Variants in PCED1A observed in about 807,000 individuals in gnomAD.
PCED1A encodes the protein PC-esterase domain-containing protein 1A.
A neutral mutation model predicts 41.9 loss-of-function variants in PCED1A; 20 were observed. The ratio of observed to expected loss-of-function variants is 0.48; its 90% confidence interval spans 0.34 to 0.69. PCED1A has a LOEUF of 0.69. Among genes scored for constraint, PCED1A ranks in the 30% least tolerant of loss-of-function variants. PCED1A has a pLI of 0.01. For missense variants in PCED1A, 498 were observed against 602.1 expected, an observed-to-expected ratio of 0.83 and a Z score of 1.81; for synonymous variants, 236 against 241.3, an observed-to-expected ratio of 0.98 and a Z score of 0.20.
chr20:2,840,038 G>A, intron 1 of PCED1A, 105 bp from the exon 2 acceptor site: 4 of 1,213,418 alleles, frequency 3.3e-6, no homozygotes, highest in South Asian at 3.2e-5. Context: ...AGGAGGTGAC[G>A]GCAGCAGAGC....
At chr20:2,839,151 G>A (rs779180097) in intron 3 of PCED1A, 41 bp downstream of exon 3, 5 of 1,603,846 alleles carry the variant, frequency 3.1e-6, no homozygotes, top group Non-Finnish European at 2.5e-6. Flanking sequence ...GCCAGGGTCT[G>A]TGCCCACCCA....
At position 2,839,092 on chromosome 20, in the gene PCED1A, C is replaced by A. The variant is rs776303385; in HGVS notation, c.205-10G>T. The A allele has an allele frequency of 3.4e-6, 5 of 1,449,358 alleles. No individual in the cohort carries two copies. Among genetic ancestry groups the A allele is most frequent in the East Asian group, 5.3e-5 (2 of 37,894 alleles). The allele number at this position is 1,449,358 out of a possible 1,614,324, so 89.8% of individuals were successfully genotyped here. On this transcript the variant is annotated splice_polypyrimidine_tract_variant and intron_variant, in intron 3 of 7. Coordinates refer to ENST00000360652, the MANE Select transcript of PCED1A (RefSeq NM_022760.6). ...CAAAGCTCAGCTCCCCCTACCCACCCCCCCCACCCTACTGGTCAGACCCAT... is the reference window on the plus strand; with the variant it reads ...CAAAGCTCAGCTCCCCCTACCCACCACCCCCACCCTACTGGTCAGACCCAT...
Position 2,839,013 on chromosome 20 carries a change from G to C in PCED1A, c.274C>G (p.Gln92Glu), listed in dbSNP as rs2088889261. Residue 92 changes from glutamine to glutamate, a missense_variant, in exon 4 of 8, where the codon CAG becomes GAG. By Grantham distance (29) the Gln-to-Glu change is conservative. Transcript: ENST00000360652. ...GQLGELHNGT[Q>E]YREVRQFCSG... is the part of the protein sequence containing the mutation. ...CAGAACTGGCGGACCTCACGATACT[G>C]TGTCCCGTTGTGCAGCTCGCCCAGC... 4 of 1,613,874 alleles carry C rather than the reference G, an allele frequency of 2.5e-6. No homozygotes were observed. Among genetic ancestry groups the C allele is most frequent in the Non-Finnish European group, 3.4e-6 (4 of 1,180,022 alleles).
chr20:2,839,368 G>A (rs577424730), intron 2 of PCED1A, 97 bp from the exon 3 acceptor site: 907 of 1,110,956 alleles, frequency 8.2e-4, no homozygotes, highest in Non-Finnish European at 1.1e-3. Context: ...TGAGGTGCCC[G>A]ACACCAGCTC....
intron 1 of PCED1A, 71 bp from the exon 2 acceptor site, chr20:2,840,004 CCGGG>C: frequency 6.9e-7 from 1 of 1,443,212 alleles, no homozygotes. Context: ...GCTAGCCCCT[CCGGG>C]GCTGCTCAAT....
chr20:2,838,524 G>C lies in PCED1A; in HGVS notation c.595-46C>G, dbSNP rs375222803. The stretch of plus-strand genomic sequence containing the variant: ...TCTAAGAGCCACAGAACGCAGCAGG[G>C]TCTGAAAGCAGGGTGTCCTATCTAC... On this transcript the variant is annotated intron_variant, in intron 5 of 7. Transcript: ENST00000360652. This position sits in a 1 kb window ranked among gnomAD's most constrained non-coding sequence, Gnocchi z 5.8. 1.8e-5 allele frequency: 29 copies of C among 1,613,818 alleles called. No homozygotes were observed. Among genetic ancestry groups the C allele is most frequent in the Non-Finnish European group, 2.5e-5 (29 of 1,179,844 alleles).
At position 2,836,468 on chromosome 20, in the gene PCED1A, C is replaced by A. The variant is rs116564190; in HGVS notation, c.842-154G>T. ...CTCTACCCAGTTTTCCTCATTCCCT[C>A]TCATTTCAGGCCAAGCCCAAAGTGT... On this transcript the variant is annotated intron_variant, in intron 6 of 7. Coordinates refer to ENST00000360652, the MANE Select transcript of PCED1A (RefSeq NM_022760.6). Among the ~76,000 whole-genome samples, 723 of 152,300 alleles carry A rather than the reference C, an allele frequency of 4.7e-3. 5 individuals are homozygous for A. The highest frequency in any genetic ancestry group is 0.016 in the African/African-American group (669 of 41,554).
At position 2,838,507 on chromosome 20, in the gene PCED1A, C is replaced by G. The variant is rs750616204; in HGVS notation, c.595-29G>C. 6.2e-7 allele frequency: 1 copy of G among 1,614,076 alleles called. No homozygotes were observed. Among genetic ancestry groups the G allele is most frequent in the Non-Finnish European group, 8.5e-7 (1 of 1,179,930 alleles). ...AGTGAGAAAGTGCAGCCTCTAAGAGCCACAGAACGCAGCAGGGTCTGAAAG... is the reference window on the plus strand; with the variant it reads ...AGTGAGAAAGTGCAGCCTCTAAGAGGCACAGAACGCAGCAGGGTCTGAAAG... On this transcript the variant is annotated intron_variant, in intron 5 of 7. Transcript: ENST00000360652. This position sits in a 1 kb window ranked among gnomAD's most constrained non-coding sequence, Gnocchi z 5.8.
At chr20:2,837,650 A>C (rs1306298540) in intron 6 of PCED1A, among the ~76,000 whole-genome samples, 1 of 152,144 alleles carries the variant, frequency 6.6e-6, no homozygotes, top group Non-Finnish European at 1.5e-5. Context: ...GGCCCTCAGA[A>C]GCCTCCACCA....
chr20:2,840,998 G>A (rs2088964370), upstream of PCED1A: 1 of 622,684 alleles, frequency 1.6e-6, no homozygotes, highest in Non-Finnish European at 2.7e-6. Flanking sequence ...AGGGAGCCGG[G>A]CCTTCCCCTG....
At chr20:2,837,791 T>C (rs866186160) in intron 6 of PCED1A, among the ~76,000 whole-genome samples, 1 of 152,170 alleles carries the variant, frequency 6.6e-6, no homozygotes, top group Non-Finnish European at 1.5e-5. Flanking sequence ...GCCTTCCCGA[T>C]GCAACATCCC....
At chr20:2,839,381 T>C in intron 2 of PCED1A, 110 bp from the exon 3 acceptor site, 1 of 994,948 alleles carries the variant, frequency 1.0e-6, no homozygotes, top group South Asian at 1.4e-5. Flanking sequence ...ACCAGCTCTG[T>C]GGTTGACTTA....
chr20:2,835,863 G>A (rs562581887), intron 7 of PCED1A, among the ~76,000 whole-genome samples, 154 bp from the exon 8 acceptor site: 27 of 152,316 alleles, frequency 1.8e-4, no homozygotes, highest in African/African-American at 6.3e-4. Flanking sequence ...GTGAAACAGT[G>A]ACAACCAGTG....
rs199657282 is a variant in PCED1A at position 2,839,874 on chromosome 20, C to T, written c.39G>A (p.Pro13=). ...FCLSSEEPRR[P]LRSDMVHFQA... is the part of the protein sequence containing the mutation. ...GGAAGTGGACCATGTCGCTTCGCAG[C>T]GGGCGGCGCGGCTCCTCGCTCGACA... The change falls in exon 2 of 8, where the codon CCG becomes CCA. Residue 13 remains proline (P), a synonymous_variant. Coordinates refer to ENST00000360652, the MANE Select transcript of PCED1A (RefSeq NM_022760.6). 15 of 1,613,998 alleles carry T rather than the reference C, an allele frequency of 9.3e-6. No individual in the cohort carries two copies. In the African/African-American group the frequency reaches 1.3e-4, roughly 14 times the overall value.
chr20:2,835,516 G>C lies in PCED1A; in HGVS notation c.1311C>G (p.His437Gln). 6.2e-7 allele frequency: 1 copy of C among 1,614,202 alleles called. No individual in the cohort carries two copies. Among genetic ancestry groups the C allele is most frequent in the Non-Finnish European group, 8.5e-7 (1 of 1,180,020 alleles). ...GAGGCCGTCTGTCCAGTTTGTATGT[G>C]TGGATCAGTCTCTCTGAGTGTCTGA... The part of the protein sequence containing the change: ...QRLRHSERLI[H>Q]TYKLDRRPPA... The change falls in exon 8 of 8, where the codon CAC (histidine) becomes CAG (glutamine). Residue 437 changes from histidine (H) to glutamine (Q), a missense_variant. Around this residue, in one of 2 missense-constraint regions of PCED1A, gnomAD observed 245 missense variants for 232.4 expected, o/e 1.05. Coordinates refer to ENST00000360652, the MANE Select transcript of PCED1A (RefSeq NM_022760.6).
At chr20:2,840,016 A>T in intron 1 of PCED1A, 83 bp from the exon 2 acceptor site, 1 of 1,371,504 alleles carries the variant, frequency 7.3e-7, no homozygotes, top group Non-Finnish European at 9.7e-7. Context: ...GGGGCTGCTC[A>T]ATGCTAAAGG....
Position 2,835,388 on chromosome 20 carries a change from C to G in PCED1A, c.*74G>C. On this transcript the variant is annotated 3_prime_UTR_variant, in exon 8 of 8. Transcript: ENST00000360652. ...AACAATACCAGGCATAGCAGACACC[C>G]TAGCCCAGTACCTGAGGTGCCAGGC... The G allele has an allele frequency of 6.5e-7, 1 of 1,529,110 alleles. No homozygotes were observed. Among genetic ancestry groups the G allele is most frequent in the Non-Finnish European group, 8.8e-7 (1 of 1,131,762 alleles). The allele number at this position is 1,529,110 out of a possible 1,614,324, so 94.7% of individuals were successfully genotyped here. A position where few individuals can be genotyped will look rare whatever the true frequency, so the allele number is the denominator to read the frequency against.
chr20:2,840,835 G>GGCCCC, upstream of PCED1A: 11 of 1,524,190 alleles, frequency 7.2e-6, no homozygotes, highest in South Asian at 2.4e-5. Flanking sequence ...CCGGTGAGCT[G>GGCCCC]CCCCGCCCTC....
intron 6 of PCED1A, among the ~76,000 whole-genome samples, chr20:2,836,927 G>A (rs937988032): frequency 2.0e-5 from 3 of 152,152 alleles, no homozygotes; most frequent in Admixed American, 1.3e-4. Context: ...CATGAGCATC[G>A]TTCTGTCTCC....
Sources: gnomAD v4.1 joint callset for allele counts (sites outside exome capture counted in the v4.1 genomes callset) on GRCh38, gnomAD v4.1.1 for gene constraint, gnomAD v4.1.1 regional missense constraint, Gnocchi (gnomAD v3.1) non-coding constraint, MANE v1.5 for transcripts, NCBI Gene and HGNC (gene_info 2026-07-23, HGNC 2026-07-21) for gene names.